NEK6: variants seen among roughly 807,000 people sequenced by gnomAD.
NEK6 encodes NIMA related kinase 6.
A neutral mutation model predicts 43.5 loss-of-function variants in NEK6; 27 were observed. The ratio of observed to expected loss-of-function variants is 0.62; its 90% CI spans 0.46 to 0.86. The LOEUF is 0.86. Among genes scored for constraint, NEK6 ranks in the 40% least tolerant of loss-of-function variants. The probability of loss-of-function intolerance (pLI) is 0.00; values close to 1 mark genes in which losing one functional copy is unlikely to be tolerated. For synonymous variants in NEK6, 167 were observed against 164.1 expected, an observed-to-expected ratio of 1.02 and a Z score of -0.14; for missense variants, 318 against 414.4, an observed-to-expected ratio of 0.77 and a Z score of 2.02.
chr9:124,298,386 G>C (rs1008689746), intron 1 of NEK6, among the ~76,000 whole-genome samples: 1 of 152,068 alleles, frequency 6.6e-6, no homozygotes, highest in Non-Finnish European at 1.5e-5. Flanking sequence ...ATTAGGTTCT[G>C]AACAGAGCAG....
intron 4 of NEK6, among the ~76,000 whole-genome samples, chr9:124,318,431 C>T (rs1298300769): frequency 6.6e-6 from 1 of 152,064 alleles, no homozygotes; most frequent in Admixed American, 6.6e-5. Context: ...GTGACAAGGT[C>T]TCACTCTGTT....
At chr9:124,319,253 G>A (rs1023895005) in intron 4 of NEK6, among the ~76,000 whole-genome samples, 3 of 151,660 alleles carry the variant, frequency 2.0e-5, no homozygotes, top group African/African-American at 7.3e-5. Context: ...CAAAGTGCTG[G>A]GATTACAGGC....
chr9:124,318,031 T>C (rs1267244517), intron 4 of NEK6, among the ~76,000 whole-genome samples: 2 of 152,218 alleles, frequency 1.3e-5, no homozygotes, highest in African/African-American at 4.8e-5. Context: ...TTCCTTTGGG[T>C]ATATACCCAG....
chr9:124,339,851 G>A (rs1829502580), intron 8 of NEK6, among the ~76,000 whole-genome samples, 186 bp downstream of exon 8: 1 of 152,182 alleles, frequency 6.6e-6, no homozygotes, highest in Admixed American at 6.5e-5. Context: ...GGTCTGCAGG[G>A]CCAGGCTGGT....
In NEK6 at chr9:124,270,790, C is replaced by T. The variant is rs568299815; in HGVS notation, c.-30+12705C>T. ...GGGAGGCAGCTGAGACTCTGTGCTGCCAGCATGTGCTCCATTATTCCACCA... is the reference window on the plus strand; with the variant it reads ...GGGAGGCAGCTGAGACTCTGTGCTGTCAGCATGTGCTCCATTATTCCACCA... On this transcript the variant is annotated intron_variant, in intron 1 of 9. Coordinates refer to ENST00000320246, the MANE Select transcript of NEK6 (RefSeq NM_014397.6). Among the ~76,000 whole-genome samples the T allele has an allele frequency of 2.6e-5, 4 of 152,314 alleles. No homozygotes were observed. The East Asian group carries it at 7.7e-4, about 29-fold the overall frequency.
intron 3 of NEK6, among the ~76,000 whole-genome samples, 183 bp from the exon 4 acceptor site, chr9:124,313,740 G>A (rs1268180250): frequency 6.6e-6 from 1 of 151,496 alleles, no homozygotes; most frequent in Non-Finnish European, 1.5e-5. Flanking sequence ...TTTTGTGGTG[G>A]GACAGTGCTG....
rs561475447 is a variant in NEK6, at chr9:124,292,449, G to T, written c.-29-9487G>T. On this transcript the variant is annotated intron_variant, in intron 1 of 9. Transcript: ENST00000320246. ...GTCTGCCCCTTCCTGCCTGTGGGAA[G>T]GAGAGAAAATTAGGGGAGGCCACGG... 141 of 1,537,028 alleles carry T rather than the reference G, an allele frequency of 9.2e-5. No individual in the cohort carries two copies. The African/African-American group carries it at 1.4e-3, about 16-fold the overall frequency.
chr9:124,347,639 GCCT>G, intron 8 of NEK6, 67 bp from the exon 9 acceptor site: 1 of 986,190 alleles, frequency 1.0e-6, no homozygotes, highest in South Asian at 1.7e-5. Flanking sequence ...ATCTGGAGCA[GCCT>G]CCTCCTCTCT....
rs1564624156 is a variant in NEK6, at chr9:124,289,179, CCCCCCCGCCACACACACACA to C, written c.-29-12755_-29-12736del. On this transcript the variant is annotated intron_variant, in intron 1 of 9. Transcript: ENST00000320246. ...ACTTTGATTGGACACCCCCCCCGCCCCCCCCCGCCACACACACACACACACACACACACACACACACACAC... is the reference window on the plus strand; with the variant it reads ...ACTTTGATTGGACACCCCCCCCGCCCCACACACACACACACACACACACAC... 8.9e-5 allele frequency among the ~76,000 whole-genome samples: 3 copies of C among 33,746 alleles called. 1 individual carries two copies. The East Asian group carries it at 5.2e-3, about 59-fold the overall frequency. 22.1% of individuals were successfully genotyped at this position (33,746 alleles called of 152,430 possible).
At chr9:124,292,124 C>A in intron 1 of NEK6, 8 of 1,106,654 alleles carry the variant, frequency 7.2e-6, no homozygotes, top group Non-Finnish European at 7.7e-6. Context: ...CTGTGGGAAC[C>A]GCTTGCTCTT....
At chr9:124,301,071 C>T (rs572946463) in intron 1 of NEK6, among the ~76,000 whole-genome samples, 31 of 152,322 alleles carry the variant, frequency 2.0e-4, no homozygotes, top group Non-Finnish European at 1.5e-4. Context: ...GCAGGTCTCT[C>T]CTTCTGGGGA....
chr9:124,312,465 C>T, intron 2 of NEK6, 44 bp from the exon 3 acceptor site: 1 of 1,593,466 alleles, frequency 6.3e-7, no homozygotes. Flanking sequence ...CAGGCCTCTG[C>T]TGCAGCCTGG....
rs764086271 is a variant in NEK6, at chr9:124,347,775, G to A, written c.784G>A (p.Glu262Lys). The change falls in exon 9 of 10, where the codon GAG becomes AAG. Residue 262 changes from glutamate to lysine, a missense_variant. This residue lies in a region of NEK6 where 79 missense variants were observed against 70.0 expected (regional missense o/e 1.13). Transcript: ENST00000320246. ...TCTCTTCTCCCTGTGCCAGAAGATCGAGCAGTGTGACTACCCCCCACTCCC... is the reference window on the plus strand; with the variant it reads ...TCTCTTCTCCCTGTGCCAGAAGATCAAGCAGTGTGACTACCCCCCACTCCC... ...MNLFSLCQKI[E>K]QCDYPPLPGE... The A allele has an allele frequency of 6.8e-6, 11 of 1,613,176 alleles. No homozygotes were observed. Among genetic ancestry groups the A allele is most frequent in the South Asian group, 2.2e-5 (2 of 90,950 alleles).
At chr9:124,319,915 G>A (rs1833984286) in intron 4 of NEK6, among the ~76,000 whole-genome samples, 1 of 152,162 alleles carries the variant, frequency 6.6e-6, no homozygotes, top group Non-Finnish European at 1.5e-5. Context: ...ATTGCTTTGT[G>A]TGCCGCCTTC....
At position 124,351,286 on chromosome 9, in the gene NEK6, G is replaced by A. The variant is rs187874166; in HGVS notation, c.*339G>A. The A allele has an allele frequency of 4.7e-5, 12 of 253,270 alleles. No homozygotes were observed. The highest frequency in any genetic ancestry group is 1.1e-4 in the African/African-American group (5 of 44,776). 15.7% of individuals were successfully genotyped at this position (253,270 alleles called of 1,614,324 possible). On this transcript the variant is annotated 3_prime_UTR_variant, in exon 10 of 10. Coordinates refer to ENST00000320246, the MANE Select transcript of NEK6 (RefSeq NM_014397.6). ...TTTAGGGTAATTCCTCCAGTGACCT[G>A]TCAAGGCTTATGCTAACAGGAGACT...
At chr9:124,292,129 G>T in intron 1 of NEK6, 1 of 1,117,312 alleles carries the variant, frequency 9.0e-7, no homozygotes. Context: ...GGAACCGCTT[G>T]CTCTTAGGGG....
rs3824364 is a variant in NEK6 at position 124,304,087 on chromosome 9, C to T, written c.90+2033C>T. On this transcript the variant is annotated intron_variant, in intron 2 of 9. Coordinates refer to ENST00000320246, the MANE Select transcript of NEK6 (RefSeq NM_014397.6). ...GCTCTGGGCAGCGGCTGTCGGGCAA[C>T]GATGCCCCCAGTCCCACCAGCATCT... 7.9e-5 allele frequency among the ~76,000 whole-genome samples: 12 copies of T among 152,356 alleles called. No individual in the cohort carries two copies. The East Asian group carries it at 1.9e-3, about 24-fold the overall frequency.
At chr9:124,280,446 C>T (rs1423737670) in intron 1 of NEK6, among the ~76,000 whole-genome samples, 3 of 152,210 alleles carry the variant, frequency 2.0e-5, no homozygotes, top group African/African-American at 7.2e-5. Context: ...AGAGGGTATC[C>T]CCACCATTGG....
chr9:124,283,129 C>G (rs1269769077), intron 1 of NEK6, among the ~76,000 whole-genome samples: 3 of 152,256 alleles, frequency 2.0e-5, no homozygotes, highest in Non-Finnish European at 4.4e-5. Flanking sequence ...CCCTGCTGAG[C>G]CCCACTTCTC....
Sources: gnomAD v4.1 joint callset for allele counts (sites outside exome capture counted in the v4.1 genomes callset) on GRCh38, gnomAD v4.1.1 for gene constraint, gnomAD v4.1.1 regional missense constraint, MANE v1.5 for transcripts, NCBI Gene and HGNC (gene_info 2026-07-23, HGNC 2026-07-21) for gene names.